The following SRPK2 variants were observed in gnomAD, a reference collection of about 807,000 sequenced individuals.
SRPK2 encodes the protein SFRS protein kinase 2.
In SRPK2, 21 loss-of-function variants were observed where a neutral mutation model predicts 90.8. The ratio of observed to expected loss-of-function variants is 0.23; its 90% CI spans 0.16 to 0.33. The LOEUF is 0.33. Among genes scored for constraint, SRPK2 ranks in the 10% least tolerant of loss-of-function variants. SRPK2 has a pLI of 1.00. For missense variants in SRPK2, 620 were observed against 869.0 expected (o/e 0.71, Z 3.60); for synonymous variants, 288 against 311.1 (o/e 0.93, Z 0.78).
chr7:105,269,142 C>T (rs1805493185), intron 2 of SRPK2: 1 of 1,009,712 alleles, frequency 9.9e-7, no homozygotes, highest in Non-Finnish European at 1.2e-6. Context: ...GTAGAACTAG[C>T]ATGGTTCTAC....
At chr7:105,291,323 T>C (rs1808987200) in intron 2 of SRPK2, among the ~76,000 whole-genome samples, 1 of 152,202 alleles carries the variant, frequency 6.6e-6, no homozygotes, top group East Asian at 1.9e-4. Context: ...TCACCTAAAG[T>C]GCCCAACTTT....
intron 2 of SRPK2, among the ~76,000 whole-genome samples, chr7:105,371,995 C>T (rs1819741591): frequency 1.3e-5 from 2 of 151,782 alleles, no homozygotes; most frequent in African/African-American, 2.4e-5. Context: ...ATTAGCCAGG[C>T]GTGGTGGCGG....
At position 105,363,910 on chromosome 7, in the gene SRPK2, C is replaced by T. The variant is rs150171851; in HGVS notation, c.71+24738G>A. ...GGACATGAATGAATCTGGAAACCAT[C>T]ATTCTCAGCAAACTATCACAAGGAC... On this transcript the variant is annotated intron_variant, in intron 2 of 15. Coordinates refer to ENST00000393651, the MANE Select transcript of SRPK2 (RefSeq NM_182692.3). Among the ~76,000 whole-genome samples the T allele has an allele frequency of 3.6e-3, 545 of 152,098 alleles. 3 individuals are homozygous for T. Among genetic ancestry groups the T allele is most frequent in the African/African-American group, 0.012 (516 of 41,482 alleles).
At chr7:105,170,078 G>A (rs193111139) in intron 3 of SRPK2, among the ~76,000 whole-genome samples, 4 of 152,222 alleles carry the variant, frequency 2.6e-5, no homozygotes, top group Admixed American at 6.5e-5. Flanking sequence ...CCCTCCCAAA[G>A]TGCTGGGATT....
chr7:105,369,778 A>T (rs1016088442), intron 2 of SRPK2, among the ~76,000 whole-genome samples: 9 of 152,168 alleles, frequency 5.9e-5, no homozygotes, highest in Non-Finnish European at 1.3e-4. Flanking sequence ...CTGTAATCCC[A>T]GTACTTTGGG....
chr7:105,343,376 G>C (rs1468173666), intron 2 of SRPK2, among the ~76,000 whole-genome samples: 1 of 152,182 alleles, frequency 6.6e-6, no homozygotes, highest in Non-Finnish European at 1.5e-5. Flanking sequence ...TGAGGCTACA[G>C]TAAGCCAAGG....
At chr7:105,272,598 G>C (rs1214763578) in intron 2 of SRPK2, among the ~76,000 whole-genome samples, 1 of 151,858 alleles carries the variant, frequency 6.6e-6, no homozygotes, top group African/African-American at 2.4e-5. Context: ...TTAAATGCTG[G>C]TAATACCTGT....
rs1206452144 is a variant in SRPK2, at chr7:105,344,406, CCTTTTTT to C, written c.71+44235_71+44241del. 3.0e-3 allele frequency among the ~76,000 whole-genome samples: 391 copies of C among 128,626 alleles called. 2 individuals carry two copies. Among genetic ancestry groups the C allele is most frequent in the Middle Eastern group, 7.9e-3 (2 of 252 alleles). 84.4% of individuals were successfully genotyped at this position (128,626 alleles called of 152,430 possible). On this transcript the variant is annotated intron_variant, in intron 2 of 15. Coordinates refer to ENST00000393651, the MANE Select transcript of SRPK2 (RefSeq NM_182692.3). ...AGGACCCCAGGTGTATGCAGCCACA[CCTTTTTT>C]TTTTTTTTTTTTTTTTTTTTGGTAG...
At chr7:105,396,682 ATAG>A (rs971550297) in intron 1 of SRPK2, among the ~76,000 whole-genome samples, 3 of 140,092 alleles carry the variant, frequency 2.1e-5, no homozygotes, top group African/African-American at 7.7e-5. Flanking sequence ...AGGAAGAAGA[ATAG>A]TAGGAGGAGA....
At chr7:105,147,234 T>C (rs1415318112) in intron 7 of SRPK2, among the ~76,000 whole-genome samples, 1 of 152,236 alleles carries the variant, frequency 6.6e-6, no homozygotes, top group Non-Finnish European at 1.5e-5. Context: ...TAGTAATTCA[T>C]GTATCATACA....
intron 2 of SRPK2, among the ~76,000 whole-genome samples, chr7:105,361,358 A>G (rs796438277): frequency 2.0e-5 from 3 of 152,216 alleles, no homozygotes; most frequent in Non-Finnish European, 4.4e-5. Context: ...TTCCATGCTC[A>G]TGGATAGGAA....
At chr7:105,343,169 G>C (rs1317905115) in intron 2 of SRPK2, among the ~76,000 whole-genome samples, 1 of 152,146 alleles carries the variant, frequency 6.6e-6, no homozygotes, top group East Asian at 1.9e-4. Flanking sequence ...GCAGTGGTTT[G>C]CACCTGAAAA....
At chr7:105,191,039 T>G (rs1210003433) in intron 3 of SRPK2, among the ~76,000 whole-genome samples, 1 of 152,098 alleles carries the variant, frequency 6.6e-6, no homozygotes, top group South Asian at 2.1e-4. Context: ...AAAACCACAA[T>G]ATAAGATACA....
At chr7:105,246,566 G>T (rs1801692130) in intron 2 of SRPK2, among the ~76,000 whole-genome samples, 2 of 152,200 alleles carry the variant, frequency 1.3e-5, no homozygotes, top group South Asian at 4.1e-4. Flanking sequence ...TTTTCAAAGA[G>T]AATGCAGATG....
At chr7:105,208,040 A>G (rs1401367468) in intron 2 of SRPK2, among the ~76,000 whole-genome samples, 1 of 152,270 alleles carries the variant, frequency 6.6e-6, no homozygotes, top group Non-Finnish European at 1.5e-5. Context: ...TAAATATATG[A>G]AAAGATGCTC....
chr7:105,311,730 G>A (rs757953529), intron 2 of SRPK2, among the ~76,000 whole-genome samples: 4 of 152,168 alleles, frequency 2.6e-5, no homozygotes, highest in Non-Finnish European at 4.4e-5. Flanking sequence ...ACCCTTGTAC[G>A]TTGCTGGTGA....
chr7:105,174,896 C>T (rs1437356461), intron 3 of SRPK2, among the ~76,000 whole-genome samples: 1 of 152,102 alleles, frequency 6.6e-6, no homozygotes, highest in Admixed American at 6.6e-5. Context: ...GTAATCACAA[C>T]AATTTGGGAG....
rs1008488577 is a variant in SRPK2 at position 105,244,627 on chromosome 7, G to A, written c.72-40842C>T. The A allele has an allele frequency of 7.0e-6, 5 of 718,714 alleles. No individual in the cohort carries two copies. In the Admixed American group the frequency reaches 8.8e-5, roughly 13 times the overall value. 44.5% of individuals were successfully genotyped at this position (718,714 alleles called of 1,614,324 possible). ...ACGCGGCGCCAGCCCCAGCGCGCCA[G>A]GGCCGCCTTTGGAGAGCAGCAGCCC... On this transcript the variant is annotated intron_variant, in intron 2 of 15. Coordinates refer to ENST00000393651, the MANE Select transcript of SRPK2 (RefSeq NM_182692.3).
At position 105,207,926 on chromosome 7, in the gene SRPK2, T is replaced by C. The variant is rs139491357; in HGVS notation, c.72-4141A>G. ...TGATAAGTGACTTGTATCTAGAATA[T>C]ATAAAGAACTCTTCCAACTCAACAA... On this transcript the variant is annotated intron_variant, in intron 2 of 15. Transcript: ENST00000393651. Among the ~76,000 whole-genome samples, 61 of 152,228 alleles carry C rather than the reference T, an allele frequency of 4.0e-4. No homozygotes were observed. In the East Asian group the frequency reaches 0.011, roughly 27 times the overall value.
Sources: gnomAD v4.1 joint callset for allele counts (sites outside exome capture counted in the v4.1 genomes callset) on GRCh38, gnomAD v4.1.1 for gene constraint, MANE v1.5 for transcripts, NCBI Gene and HGNC (gene_info 2026-07-23, HGNC 2026-07-21) for gene names.